Variants in ROBO1 observed in about 807,000 individuals in gnomAD.
The protein encoded by ROBO1 is roundabout guidance receptor 1.
A neutral mutation model predicts 195.9 loss-of-function variants in ROBO1; 149 were observed. The observed-to-expected ratio is 0.76, with a 90% CI of 0.67 to 0.87. The LOEUF is 0.87. ROBO1 is among the 40% of genes least tolerant of loss of function. The pLI, the probability that ROBO1 is intolerant of heterozygous loss-of-function variation, is 0.00. For missense variants in ROBO1, 1,933 were observed against 2,068.3 expected, an observed-to-expected ratio of 0.93 and a Z score of 1.27; for synonymous variants, 816 against 733.2, an observed-to-expected ratio of 1.11 and a Z score of -1.82.
chr3:79,107,250 A>C (rs2108524170), intron 3 of ROBO1, among the ~76,000 whole-genome samples: 1 of 151,762 alleles, frequency 6.6e-6, no homozygotes, highest in South Asian at 2.1e-4. Flanking sequence ...TGCTACGCAA[A>C]GAGTGTTCAG....
intron 1 of ROBO1, among the ~76,000 whole-genome samples, chr3:79,713,574 C>G (rs963442182): frequency 1.3e-4 from 20 of 152,102 alleles, no homozygotes; most frequent in African/African-American, 4.1e-4. Flanking sequence ...AAATCTATTG[C>G]TGTGCAGAAG....
intron 4 of ROBO1, among the ~76,000 whole-genome samples, chr3:78,770,686 C>T (rs1015969371): frequency 6.6e-6 from 1 of 152,110 alleles, no homozygotes; most frequent in African/African-American, 2.4e-5. Flanking sequence ...AGGACATAGT[C>T]CTAAGTTCTT....
At chr3:78,639,295 TA>T (rs891785602) in intron 22 of ROBO1, among the ~76,000 whole-genome samples, 200 of 151,318 alleles carry the variant, frequency 1.3e-3, no homozygotes, top group African/African-American at 4.7e-3. Context: ...CATCTCTACT[TA>T]AAAAAAATAT....
chr3:78,714,261 A>G, intron 8 of ROBO1, 136 bp downstream of exon 8: 1 of 809,366 alleles, frequency 1.2e-6, no homozygotes, highest in Middle Eastern at 2.4e-4. Context: ...TTCTTTAAAT[A>G]TGTTTGAAAT....
intron 4 of ROBO1, among the ~76,000 whole-genome samples, chr3:78,786,223 C>T (rs527852195): frequency 6.5e-4 from 99 of 152,146 alleles, no homozygotes; most frequent in African/African-American, 2.2e-3. Flanking sequence ...GTTTGATTTG[C>T]ATGTGTCTTA....
intron 4 of ROBO1, among the ~76,000 whole-genome samples, chr3:78,766,359 C>T (rs1184145339): frequency 1.3e-5 from 2 of 152,134 alleles, no homozygotes; most frequent in African/African-American, 2.4e-5. Context: ...TTTAAAAATA[C>T]TGCTTTGCTT....
chr3:79,143,864 C>A (rs966178351), intron 2 of ROBO1, among the ~76,000 whole-genome samples: 4 of 152,016 alleles, frequency 2.6e-5, no homozygotes, highest in African/African-American at 9.7e-5. Flanking sequence ...TCCCACTCAA[C>A]CCCTTCCTAT....
intron 2 of ROBO1, among the ~76,000 whole-genome samples, chr3:79,373,775 G>A (rs1216322632): frequency 6.6e-6 from 1 of 152,158 alleles, no homozygotes; most frequent in Non-Finnish European, 1.5e-5. Flanking sequence ...GAAGCCAAAA[G>A]GGAACATAGC....
intron 10 of ROBO1, among the ~76,000 whole-genome samples, chr3:78,680,117 C>G (rs1230083065): frequency 6.6e-6 from 1 of 152,190 alleles, no homozygotes. Flanking sequence ...GCTGGGAAAA[C>G]TGGCTAGTCA....
At chr3:79,539,457 T>C (rs936119926) in intron 2 of ROBO1, among the ~76,000 whole-genome samples, 4 of 152,142 alleles carry the variant, frequency 2.6e-5, no homozygotes, top group Admixed American at 6.6e-5. Context: ...TGAAATGACT[T>C]ATATAACTTT....
At chr3:79,110,392 C>T (rs938368946) in intron 3 of ROBO1, among the ~76,000 whole-genome samples, 1 of 151,956 alleles carries the variant, frequency 6.6e-6, no homozygotes, top group Non-Finnish European at 1.5e-5. Context: ...TGGTGGACTA[C>T]TTGTGCTGAC....
intron 2 of ROBO1, among the ~76,000 whole-genome samples, chr3:79,188,592 G>A (rs80190414): frequency 1.3e-5 from 2 of 151,516 alleles, no homozygotes; most frequent in Non-Finnish European, 3.0e-5. Flanking sequence ...TTTGTAAAAA[G>A]GGAGTTGTTT....
chr3:78,684,366 T>G (rs530663422), intron 10 of ROBO1, among the ~76,000 whole-genome samples: 1 of 152,130 alleles, frequency 6.6e-6, no homozygotes, highest in Non-Finnish European at 1.5e-5. Flanking sequence ...GAAAAGTTAT[T>G]ATCTCTGCTA....
intron 2 of ROBO1, among the ~76,000 whole-genome samples, chr3:79,245,596 A>G (rs540922385): frequency 6.6e-6 from 1 of 152,026 alleles, no homozygotes; most frequent in Non-Finnish European, 1.5e-5. Context: ...CAGTTAAAAA[A>G]AAATAAATCA....
rs138971812 is a variant in ROBO1, at chr3:79,018,033, C to T, written c.173-79106G>A. On this transcript the variant is annotated intron_variant, in intron 3 of 30. Coordinates refer to ENST00000464233, the MANE Select transcript of ROBO1 (RefSeq NM_002941.4). ...CACATTTCCCTCCCCAGGGAAGCAG[C>T]CGGCGGCTGATACTCACTTCGGCTC... Among the ~76,000 whole-genome samples the T allele has an allele frequency of 2.7e-3, 413 of 152,300 alleles. 4 individuals are homozygous for T. The highest frequency in any genetic ancestry group is 8.6e-3 in the African/African-American group (359 of 41,578).
chr3:78,853,667 A>C (rs2034221318), intron 4 of ROBO1, among the ~76,000 whole-genome samples: 1 of 152,166 alleles, frequency 6.6e-6, no homozygotes, highest in South Asian at 2.1e-4. Context: ...GCTGAACCTC[A>C]TCCAACCAGT....
intron 2 of ROBO1, among the ~76,000 whole-genome samples, chr3:79,325,379 T>A (rs1484749643): frequency 6.6e-6 from 1 of 152,136 alleles, no homozygotes; most frequent in Non-Finnish European, 1.5e-5. Flanking sequence ...GTCAGTACAC[T>A]CTGAGGAAAG....
intron 1 of ROBO1, among the ~76,000 whole-genome samples, chr3:79,720,893 C>T (rs987238036): frequency 1.3e-5 from 2 of 151,454 alleles, no homozygotes; most frequent in African/African-American, 4.8e-5. Flanking sequence ...CCCAGGTTCA[C>T]GCCATTCTCC....
chr3:78,626,396 T>C (rs1355224484), intron 26 of ROBO1, among the ~76,000 whole-genome samples: 2 of 152,172 alleles, frequency 1.3e-5, no homozygotes, highest in South Asian at 2.1e-4. Flanking sequence ...AATCTGGTAA[T>C]AGAAGAGTTA....
Sources: allele counts gnomAD v4.1 joint callset (sites outside exome capture counted in the v4.1 genomes callset), GRCh38; gene constraint gnomAD v4.1.1; transcripts MANE v1.5; gene names NCBI Gene and HGNC (gene_info 2026-07-23, HGNC 2026-07-21).